Variants in CSNK2A1 observed in about 807,000 individuals in gnomAD.
CSNK2A1 encodes the protein casein kinase II subunit alpha.
CSNK2A1 carries 10 observed loss-of-function variants against 62.9 expected under a neutral mutation model. The ratio of observed to expected loss-of-function variants is 0.16; its 90% CI spans 0.10 to 0.27. The LOEUF (loss-of-function observed/expected upper bound fraction) is 0.27, where lower values mean the gene tolerates loss of function less well. Among genes scored for constraint, CSNK2A1 ranks in the 10% least tolerant of loss-of-function variants. The pLI is 1.00. For missense variants in CSNK2A1, 160 were observed against 492.0 expected (o/e 0.33, Z 6.38); for synonymous variants, 124 against 167.8 (o/e 0.74, Z 2.02).
At chr20:486,893 T>C in intron 12 of CSNK2A1, 1 of 184,410 alleles carries the variant, frequency 5.4e-6, no homozygotes, top group East Asian at 1.3e-4. Flanking sequence ...AATCAGCCTA[T>C]CTATCTGCTT....
At position 473,846 on chromosome 20, in the gene CSNK2A1, C is replaced by G. The variant is rs2017798449; in HGVS notation, c.*10115G>C. On this transcript the variant is annotated 3_prime_UTR_variant, in exon 14 of 14. Coordinates refer to ENST00000217244, the MANE Select transcript of CSNK2A1 (RefSeq NM_177559.3). ...TTCTGATCTCAGCTCTCCAGAAGAC[C>G]TTTTCCAGAAGACCTCTCCCTGTGT... The G allele has an allele frequency of 6.6e-6, 1 of 152,148 alleles. No homozygotes were observed. Among genetic ancestry groups the G allele is most frequent in the Admixed American group, 6.6e-5 (1 of 15,264 alleles). 9.4% of individuals were successfully genotyped at this position (152,148 alleles called of 1,614,324 possible). A position where few individuals can be genotyped will look rare whatever the true frequency, so the allele number is the denominator to read the frequency against.
intron 9 of CSNK2A1, among the ~76,000 whole-genome samples, chr20:491,649 C>A (rs948275119): frequency 6.6e-6 from 1 of 152,080 alleles, no homozygotes; most frequent in African/African-American, 2.4e-5. Context: ...CCAGCCTGGG[C>A]AACAGAGCAA....
chr20:514,834 C>T (rs1336866829), intron 2 of CSNK2A1, among the ~76,000 whole-genome samples: 4 of 152,162 alleles, frequency 2.6e-5, no homozygotes, highest in Non-Finnish European at 4.4e-5. Flanking sequence ...GAAGAAAACA[C>T]ACAGCCTACA....
At chr20:533,028 T>C in intron 1 of CSNK2A1, among the ~76,000 whole-genome samples, 1 of 152,224 alleles carries the variant, frequency 6.6e-6, no homozygotes, top group Non-Finnish European at 1.5e-5. Context: ...TTTAAGGTGG[T>C]AACCATGGCC....
intron 4 of CSNK2A1, chr20:502,629 C>T (rs187849117): frequency 6.6e-6 from 1 of 152,298 alleles, no homozygotes; most frequent in Non-Finnish European, 1.5e-5. Context: ...ATATACAATA[C>T]AGTTAGAAAG....
intron 2 of CSNK2A1, among the ~76,000 whole-genome samples, chr20:523,858 CAAAAAAAAAA>C (rs11401840): frequency 2.2e-5 from 1 of 45,546 alleles, no homozygotes; most frequent in African/African-American, 9.2e-5. Flanking sequence ...GACTCCATCT[CAAAAAAAAAA>C]AAAAAAAAAA....
intron 8 of CSNK2A1, among the ~76,000 whole-genome samples, chr20:493,054 C>T (rs2018267246): frequency 6.6e-6 from 1 of 152,208 alleles, no homozygotes; most frequent in Non-Finnish European, 1.5e-5. Context: ...TCGGACTGCT[C>T]TGGCACTAAG....
chr20:513,319 T>C (rs762720288), intron 2 of CSNK2A1, among the ~76,000 whole-genome samples: 9 of 152,234 alleles, frequency 5.9e-5, no homozygotes, highest in Non-Finnish European at 8.8e-5. Flanking sequence ...TCATCACTTA[T>C]AAAACCTGTC....
At chr20:500,047 A>G (rs2018428583) in intron 4 of CSNK2A1, 113 bp from the exon 5 acceptor site, 3 of 762,596 alleles carry the variant, frequency 3.9e-6, no homozygotes, top group Middle Eastern at 3.8e-4. Flanking sequence ...GCACACCTTG[A>G]AGGAAGAAAA....
chr20:497,596 T>TA, intron 7 of CSNK2A1, 125 bp downstream of exon 7: 1 of 746,448 alleles, frequency 1.3e-6, no homozygotes, highest in South Asian at 1.6e-5. Context: ...ATTAAAAACT[T>TA]ATATAGAGGT....
chr20:542,511 C>A (rs929979305), intron 1 of CSNK2A1, among the ~76,000 whole-genome samples: 1 of 152,214 alleles, frequency 6.6e-6, no homozygotes, highest in Admixed American at 6.5e-5. Flanking sequence ...CAGCTCACTG[C>A]CACCTCCGCC....
At chr20:495,590 C>T in intron 8 of CSNK2A1, 129 bp downstream of exon 8, 1 of 672,938 alleles carries the variant, frequency 1.5e-6, no homozygotes, top group South Asian at 1.9e-5. Flanking sequence ...TTCGTACATT[C>T]ATTCACCAAA....
chr20:514,295 G>T (rs113112612), intron 2 of CSNK2A1, among the ~76,000 whole-genome samples: 96 of 152,018 alleles, frequency 6.3e-4, no homozygotes, highest in African/African-American at 2.2e-3. Context: ...AGTGAGCCAT[G>T]ATCTCACCAC....
At chr20:490,335 C>CTT (rs907727482) in intron 9 of CSNK2A1, among the ~76,000 whole-genome samples, 5 of 84,802 alleles carry the variant, frequency 5.9e-5, no homozygotes, top group South Asian at 4.1e-4. Flanking sequence ...CTAGTTTTTT[C>CTT]TTTTTTTTTT....
chr20:527,510 C>T (rs1287896963), intron 2 of CSNK2A1, among the ~76,000 whole-genome samples: 1 of 152,170 alleles, frequency 6.6e-6, no homozygotes, highest in Non-Finnish European at 1.5e-5. Flanking sequence ...CCTACTCACC[C>T]TTCAAGAATC....
rs943781877 is a variant in CSNK2A1, at chr20:473,848, T to C, written c.*10113A>G. The C allele has an allele frequency of 1.3e-5, 2 of 152,186 alleles. No individual in the cohort carries two copies. Among genetic ancestry groups the C allele is most frequent in the African/African-American group, 4.8e-5 (2 of 41,432 alleles). 9.4% of individuals were successfully genotyped at this position (152,186 alleles called of 1,614,324 possible). On this transcript the variant is annotated 3_prime_UTR_variant, in exon 14 of 14. Coordinates refer to ENST00000217244, the MANE Select transcript of CSNK2A1 (RefSeq NM_177559.3). ...CTGATCTCAGCTCTCCAGAAGACCT[T>C]TTCCAGAAGACCTCTCCCTGTGTAT... is the stretch of plus-strand genomic sequence containing the variant.
intron 9 of CSNK2A1, among the ~76,000 whole-genome samples, chr20:490,937 C>T (rs2018220467): frequency 6.7e-6 from 1 of 149,562 alleles, no homozygotes; most frequent in Non-Finnish European, 1.5e-5. Flanking sequence ...CCCATGGAGA[C>T]CATCTAATGT....
At chr20:506,092 G>C (rs1241301553) in intron 3 of CSNK2A1, 1 of 151,812 alleles carries the variant, frequency 6.6e-6, no homozygotes, top group African/African-American at 2.4e-5. Flanking sequence ...TAGCCAGGAT[G>C]GTCTCGATCT....
Position 489,763 on chromosome 20 carries a change from G to T in CSNK2A1, c.723+17C>A, listed in dbSNP as rs1280630079. On this transcript the variant is annotated intron_variant, in intron 10 of 13. Coordinates refer to ENST00000217244, the MANE Select transcript of CSNK2A1 (RefSeq NM_177559.3). ...CATTAGGCCAGTACATTTTTCAATG[G>T]GTATAACATATATTACCTGATCATA... The T allele has an allele frequency of 3.8e-6, 6 of 1,597,230 alleles. No homozygotes were observed. Among genetic ancestry groups the T allele is most frequent in the Non-Finnish European group, 5.1e-6 (6 of 1,168,304 alleles).
Sources: allele counts gnomAD v4.1 joint callset (sites outside exome capture counted in the v4.1 genomes callset), GRCh38; gene constraint gnomAD v4.1.1; transcripts MANE v1.5; gene names NCBI Gene and HGNC (gene_info 2026-07-23, HGNC 2026-07-21).